INPP4B: variants seen among roughly 807,000 people sequenced by gnomAD.
INPP4B encodes inositol polyphosphate-4-phosphatase type II B, also known as inositol polyphosphate 4-phosphatase type II.
INPP4B carries 55 observed loss-of-function variants against 122.5 expected under a neutral mutation model. The observed-to-expected ratio is 0.45, with a 90% CI of 0.36 to 0.56. INPP4B has a LOEUF of 0.56. Ranked by LOEUF, INPP4B falls within the 20% of genes least tolerant of loss-of-function variation. The pLI, the probability that INPP4B is intolerant of heterozygous loss-of-function variation, is 0.00. For synonymous variants in INPP4B, 403 were observed against 388.7 expected, an observed-to-expected ratio of 1.04 and a Z score of -0.43; for missense variants, 1,000 against 1,097.7, an observed-to-expected ratio of 0.91 and a Z score of 1.26.
chr4:142,120,886 G>A (rs1796272935), intron 21 of INPP4B, among the ~76,000 whole-genome samples: 1 of 152,058 alleles, frequency 6.6e-6, no homozygotes. Context: ...GTTATTTCCA[G>A]TTGTAATATT....
chr4:142,400,909 A>G (rs1003349470), intron 7 of INPP4B, among the ~76,000 whole-genome samples: 1 of 152,234 alleles, frequency 6.6e-6, no homozygotes, highest in African/African-American at 2.4e-5. Context: ...TGAAGGAGAT[A>G]GAAACACATT....
chr4:142,400,186 C>T (rs1426511355), intron 7 of INPP4B, among the ~76,000 whole-genome samples: 3 of 152,082 alleles, frequency 2.0e-5, no homozygotes, highest in South Asian at 2.1e-4. Context: ...TTTATTTCAC[C>T]GGTTATCTCC....
chr4:142,658,737 C>T (rs1300900347), intron 2 of INPP4B, among the ~76,000 whole-genome samples: 1 of 152,104 alleles, frequency 6.6e-6, no homozygotes, highest in Non-Finnish European at 1.5e-5. Flanking sequence ...TCTTGACTTG[C>T]AGAGCCAATA....
intron 17 of INPP4B, among the ~76,000 whole-genome samples, chr4:142,157,801 G>A (rs1369459258): frequency 3.3e-5 from 4 of 120,426 alleles, no homozygotes; most frequent in Non-Finnish European, 4.9e-5. Flanking sequence ...AATTTTTCAC[G>A]TTACTCATTA....
chr4:142,207,518 T>C (rs944006843), intron 14 of INPP4B, among the ~76,000 whole-genome samples: 2 of 152,142 alleles, frequency 1.3e-5, no homozygotes, highest in Non-Finnish European at 2.9e-5. Context: ...TCTCTGTAAG[T>C]ATGTTTGTAT....
chr4:142,557,273 C>T (rs952850553), intron 2 of INPP4B, among the ~76,000 whole-genome samples: 2 of 152,084 alleles, frequency 1.3e-5, no homozygotes, highest in Non-Finnish European at 2.9e-5. Flanking sequence ...AATTTAGATT[C>T]GGATGTTAAG....
At chr4:142,229,562 C>T (rs1286981002) in intron 12 of INPP4B, among the ~76,000 whole-genome samples, 6 of 152,160 alleles carry the variant, frequency 3.9e-5, no homozygotes, top group East Asian at 3.9e-4. Context: ...TGAGGGCTTA[C>T]GGAAGTCCTG....
chr4:142,308,549 C>G (rs1255251636), intron 8 of INPP4B, among the ~76,000 whole-genome samples: 1 of 152,034 alleles, frequency 6.6e-6, no homozygotes, highest in Non-Finnish European at 1.5e-5. Flanking sequence ...CTCTCACCCT[C>G]AAAGTTAGAA....
At chr4:142,815,907 C>T (rs1483338208) in intron 1 of INPP4B, among the ~76,000 whole-genome samples, 1 of 152,104 alleles carries the variant, frequency 6.6e-6, no homozygotes, top group Non-Finnish European at 1.5e-5. Context: ...TCACTTTGTA[C>T]TCAAACAAGA....
chr4:142,229,463 G>T (rs1250258082), intron 12 of INPP4B, among the ~76,000 whole-genome samples: 6 of 152,154 alleles, frequency 3.9e-5, no homozygotes, highest in African/African-American at 7.2e-5. Context: ...TACTGATAGT[G>T]GAAGGTGGTA....
At chr4:142,081,170 G>C (rs1373333295) in intron 25 of INPP4B, among the ~76,000 whole-genome samples, 1 of 152,134 alleles carries the variant, frequency 6.6e-6, no homozygotes, top group East Asian at 1.9e-4. Context: ...AAAGAAAACT[G>C]ATAGCTAATG....
At chr4:142,386,914 G>A (rs909162171) in intron 7 of INPP4B, among the ~76,000 whole-genome samples, 1 of 152,162 alleles carries the variant, frequency 6.6e-6, no homozygotes, top group Non-Finnish European at 1.5e-5. Flanking sequence ...ATACCTTCTG[G>A]ACCCACTTGT....
chr4:142,492,028 G>T lies in INPP4B; in HGVS notation c.-190-29302C>A, dbSNP rs542906736. The stretch of plus-strand genomic sequence containing the variant: ...GGGAGGGACCTGGTGGGAGGTAACT[G>T]AATCATGGGAGCAGTTAATCCCATG... On this transcript the variant is annotated intron_variant, in intron 2 of 25. Transcript: ENST00000262992. 2.0e-5 allele frequency among the ~76,000 whole-genome samples: 3 copies of T among 152,232 alleles called. No individual in the cohort carries two copies. In the East Asian group the frequency reaches 5.8e-4, roughly 29 times the overall value.
chr4:142,627,940 G>T (rs1457719845), intron 2 of INPP4B, among the ~76,000 whole-genome samples: 1 of 151,712 alleles, frequency 6.6e-6, no homozygotes, highest in East Asian at 1.9e-4. Context: ...TCCTGTTATT[G>T]GTCTATTCAG....
intron 1 of INPP4B, among the ~76,000 whole-genome samples, chr4:142,841,182 G>A (rs1483642389): frequency 6.6e-6 from 1 of 152,032 alleles, no homozygotes; most frequent in Non-Finnish European, 1.5e-5. Flanking sequence ...AGACATCATA[G>A]AGTGTTAACT....
At chr4:142,089,480 C>CACACACACACACAGAG (rs1211478932) in intron 23 of INPP4B, among the ~76,000 whole-genome samples, 2 of 134,966 alleles carry the variant, frequency 1.5e-5, no homozygotes, top group African/African-American at 5.4e-5. Flanking sequence ...CACACACACA[C>CACACACACACACAGAG]AGAGAGAGAG....
intron 2 of INPP4B, among the ~76,000 whole-genome samples, chr4:142,620,527 G>A (rs754037420): frequency 4.0e-5 from 6 of 151,882 alleles, no homozygotes; most frequent in Non-Finnish European, 8.8e-5. Flanking sequence ...GGAGGAGAGT[G>A]AGGATCGATA....
At chr4:142,348,285 C>T (rs1009843267) in intron 7 of INPP4B, among the ~76,000 whole-genome samples, 1 of 152,008 alleles carries the variant, frequency 6.6e-6, no homozygotes, top group Non-Finnish European at 1.5e-5. Flanking sequence ...TATTGATTGG[C>T]TTGGCAGGAG....
At chr4:142,567,571 T>C (rs1731903263) in intron 2 of INPP4B, among the ~76,000 whole-genome samples, 1 of 152,204 alleles carries the variant, frequency 6.6e-6, no homozygotes, top group African/African-American at 2.4e-5. Context: ...AGGTAATACA[T>C]GAAAATGTTG....
Sources: gnomAD v4.1 joint callset for allele counts (sites outside exome capture counted in the v4.1 genomes callset) on GRCh38, gnomAD v4.1.1 for gene constraint, MANE v1.5 for transcripts, NCBI Gene and HGNC (gene_info 2026-07-23, HGNC 2026-07-21) for gene names.